DIP2C: variants seen among roughly 807,000 people sequenced by gnomAD.
DIP2C encodes the protein DIP2 acetate--CoA ligase C (putative).
Under a neutral mutation model 192.4 loss-of-function variants are expected in DIP2C, and 33 were observed. The observed-to-expected ratio is 0.17, with a 90% CI of 0.13 to 0.23. DIP2C has a LOEUF of 0.23. DIP2C is among the 10% of genes least tolerant of loss of function. The pLI is 1.00. For synonymous variants in DIP2C, 979 were observed against 864.1 expected, an observed-to-expected ratio of 1.13 and a Z score of -2.33; for missense variants, 1,537 against 2,110.1, an observed-to-expected ratio of 0.73 and a Z score of 5.32.
rs145452909 is a variant in DIP2C, at chr10:636,857, C to T, written c.85+52637G>A. Among the ~76,000 whole-genome samples, 4 of 152,332 alleles carry T rather than the reference C, an allele frequency of 2.6e-5. No homozygotes were observed. The highest frequency in any genetic ancestry group is 9.6e-5 in the African/African-American group (4 of 41,580). ...TCAGTCTCGAGGCGCAATCACCTTC[C>T]GTCATACACTTCTCAGCAGCTTCCC... On this transcript the variant is annotated intron_variant, in intron 1 of 36. Coordinates refer to ENST00000280886, the MANE Select transcript of DIP2C (RefSeq NM_014974.3). This position sits in a 1 kb window ranked among gnomAD's most constrained non-coding sequence, Gnocchi z 4.6.
chr10:304,551 G>A (rs1351918305), intron 32 of DIP2C, among the ~76,000 whole-genome samples: 2 of 34,884 alleles, frequency 5.7e-5, no homozygotes, highest in African/African-American at 9.3e-5. Flanking sequence ...GTATGCACAC[G>A]AATGCACACA....
intron 1 of DIP2C, chr10:668,867 T>G (rs1014169074): frequency 6.6e-6 from 1 of 152,224 alleles, no homozygotes; most frequent in Admixed American, 6.5e-5. Flanking sequence ...TAAACCCTTT[T>G]TTCATTTTAC....
At chr10:672,142 C>T (rs545746913) in intron 1 of DIP2C, among the ~76,000 whole-genome samples, 17 of 145,988 alleles carry the variant, frequency 1.2e-4, no homozygotes, top group African/African-American at 4.4e-4. Context: ...GACACATGGA[C>T]GGAGGAAACA....
intron 1 of DIP2C, among the ~76,000 whole-genome samples, chr10:528,348 G>A (rs770557129): frequency 2.0e-5 from 3 of 148,194 alleles, no homozygotes; most frequent in Non-Finnish European, 3.0e-5. Flanking sequence ...AAAGCAGACC[G>A]CCCGCTGCCC....
At position 408,024 on chromosome 10, in the gene DIP2C, A is replaced by C. The variant is rs79900977; in HGVS notation, c.1149+902T>G. Among the ~76,000 whole-genome samples, 988 of 152,226 alleles carry C rather than the reference A, an allele frequency of 6.5e-3. 5 individuals carry two copies. The highest frequency in any genetic ancestry group is 9.5e-3 in the Non-Finnish European group (645 of 68,006). ...TCCAGGGTCATGAGGTGTCTTCTCT[A>C]TATTTTCTTCTAAGGCATTTTCTTT... On this transcript the variant is annotated intron_variant, in intron 9 of 36. Transcript: ENST00000280886.
chr10:573,507 C>G (rs1430460756), intron 1 of DIP2C, among the ~76,000 whole-genome samples: 1 of 152,192 alleles, frequency 6.6e-6, no homozygotes. Context: ...CTCCCAGGCT[C>G]AAGCGATTCT....
At chr10:672,259 C>T (rs960772467) in intron 1 of DIP2C, among the ~76,000 whole-genome samples, 10 of 150,810 alleles carry the variant, frequency 6.6e-5, no homozygotes, top group African/African-American at 2.4e-4. Context: ...GGAGGAAACG[C>T]GCCACAGAGG....
At chr10:464,391 A>G (rs756560808) in intron 3 of DIP2C, among the ~76,000 whole-genome samples, 3 of 152,196 alleles carry the variant, frequency 2.0e-5, no homozygotes, top group Non-Finnish European at 2.9e-5. Flanking sequence ...TAGAAAAAAA[A>G]AAAAGCTCAT....
At chr10:633,984 T>C (rs1854683059) in intron 1 of DIP2C, among the ~76,000 whole-genome samples, 1 of 152,230 alleles carries the variant, frequency 6.6e-6, no homozygotes, top group African/African-American at 2.4e-5. Flanking sequence ...TTTGGTGGCT[T>C]CACTGCTGAA....
At chr10:354,747 A>G (rs1433249225) in intron 24 of DIP2C, among the ~76,000 whole-genome samples, 2 of 151,912 alleles carry the variant, frequency 1.3e-5, no homozygotes, top group Non-Finnish European at 2.9e-5. Flanking sequence ...CTTTCAGCAG[A>G]AGGGATCTGG....
intron 1 of DIP2C, among the ~76,000 whole-genome samples, chr10:531,835 C>G (rs1847387402): frequency 6.6e-6 from 1 of 152,234 alleles, no homozygotes; most frequent in Admixed American, 6.5e-5. Flanking sequence ...GGAGGAGCAG[C>G]CAATGCAGGC....
rs1854875340 is a variant in DIP2C at position 636,968 on chromosome 10, T to C, written c.85+52526A>G. Among the ~76,000 whole-genome samples the C allele has an allele frequency of 6.6e-6, 1 of 152,242 alleles. No homozygotes were observed. Among genetic ancestry groups the C allele is most frequent in the African/African-American group, 2.4e-5 (1 of 41,462 alleles). The stretch of plus-strand genomic sequence containing the variant: ...TGCGACCGGCACCACATGGGACTCG[T>C]GTGCACCAGCACCCACATCCCCGCA... On this transcript the variant is annotated intron_variant, in intron 1 of 36. Coordinates refer to ENST00000280886, the MANE Select transcript of DIP2C (RefSeq NM_014974.3). This position sits in a 1 kb window ranked among gnomAD's most constrained non-coding sequence, Gnocchi z 4.6.
intron 13 of DIP2C, among the ~76,000 whole-genome samples, chr10:388,094 C>T (rs1157759923): frequency 6.6e-6 from 1 of 152,002 alleles, no homozygotes; most frequent in African/African-American, 2.4e-5. Flanking sequence ...TTCCCCCTCT[C>T]TGCCTTTTTC....
rs139933313 is a variant in DIP2C at position 580,043 on chromosome 10, TAC to T, written c.86-93515_86-93514del. 3.8e-3 allele frequency among the ~76,000 whole-genome samples: 577 copies of T among 152,240 alleles called. 8 individuals are homozygous for T. In the East Asian group the frequency reaches 0.048, roughly 13 times the overall value. The stretch of plus-strand genomic sequence containing the variant: ...CATGTACACGCATCTCTATCCAGTG[TAC>T]ACAGGTATACTATAACCTGTATGTA... On this transcript the variant is annotated intron_variant, in intron 1 of 36. Transcript: ENST00000280886.
At chr10:670,356 A>G (rs915517075) in intron 1 of DIP2C, among the ~76,000 whole-genome samples, 1 of 152,150 alleles carries the variant, frequency 6.6e-6, no homozygotes, top group Non-Finnish European at 1.5e-5. Context: ...GCACATACAT[A>G]CACATACACA....
intron 3 of DIP2C, among the ~76,000 whole-genome samples, chr10:465,377 G>A (rs923495577): frequency 2.0e-5 from 3 of 149,548 alleles, no homozygotes; most frequent in South Asian, 2.2e-4. Context: ...AGGTATTGAT[G>A]GGACATATTT....
At chr10:435,028 G>A (rs1027673878) in intron 4 of DIP2C, among the ~76,000 whole-genome samples, 11 of 152,156 alleles carry the variant, frequency 7.2e-5, no homozygotes, top group Non-Finnish European at 1.3e-4. Context: ...ATGGTTTGGT[G>A]TCTGGCATTA....
At position 305,385 on chromosome 10, in the gene DIP2C, T is replaced by C. The variant is rs140585515; in HGVS notation, c.3986+4646A>G. On this transcript the variant is annotated intron_variant, in intron 32 of 36. Coordinates refer to ENST00000280886, the MANE Select transcript of DIP2C (RefSeq NM_014974.3). ...GGGTGAAAGGCTCCTGTTAAGCTGTTTGTCTTTGTCTCTATCTTCACTCCC... is the reference window on the plus strand; with the variant it reads ...GGGTGAAAGGCTCCTGTTAAGCTGTCTGTCTTTGTCTCTATCTTCACTCCC... 1.1e-3 allele frequency among the ~76,000 whole-genome samples: 172 copies of C among 151,444 alleles called. 1 individual carries two copies. Among genetic ancestry groups the C allele is most frequent in the African/African-American group, 3.9e-3 (161 of 41,340 alleles).
intron 26 of DIP2C, among the ~76,000 whole-genome samples, chr10:347,274 A>G (rs61836771): frequency 0.74 from 21,530 of 28,964 alleles, 7,438 homozygotes; most frequent in East Asian, 0.84. Context: ...CAGACACATC[A>G]CGCATAGTTC....
Sources: allele counts gnomAD v4.1 joint callset (sites outside exome capture counted in the v4.1 genomes callset), GRCh38; gene constraint gnomAD v4.1.1; non-coding constraint Gnocchi (gnomAD v3.1); transcripts MANE v1.5; gene names NCBI Gene and HGNC (gene_info 2026-07-23, HGNC 2026-07-21).